The following DCAF6 variants were observed in gnomAD, a reference collection of about 807,000 sequenced individuals.
DCAF6 encodes DDB1- and CUL4-associated factor 6.
Under a neutral mutation model 125.1 loss-of-function variants are expected in DCAF6, and 54 were observed. The observed-to-expected ratio is 0.43, with a 90% CI of 0.35 to 0.54. DCAF6 has a LOEUF of 0.54. DCAF6 is among the 20% of genes least tolerant of loss of function. The pLI is 0.01. For missense variants in DCAF6, 934 were observed against 1,161.7 expected (o/e 0.80, Z 2.85); for synonymous variants, 371 against 390.4 (o/e 0.95, Z 0.58).
chr1:167,966,304 C>T (rs1018737044), intron 2 of DCAF6, among the ~76,000 whole-genome samples: 1 of 152,150 alleles, frequency 6.6e-6, no homozygotes, highest in African/African-American at 2.4e-5. Context: ...ACACACGGCC[C>T]GTGGGCTGCA....
At chr1:168,067,335 A>T (rs1331200078) in intron 20 of DCAF6, among the ~76,000 whole-genome samples, 1 of 152,192 alleles carries the variant, frequency 6.6e-6, no homozygotes, top group Non-Finnish European at 1.5e-5. Flanking sequence ...GACAATGTAA[A>T]CAGCTAGAAC....
chr1:167,916,260 G>C, the DCAF6 span, among the ~76,000 whole-genome samples: 1 of 152,210 alleles, frequency 6.6e-6, no homozygotes, highest in Non-Finnish European at 1.5e-5. Flanking sequence ...AGGCTGGAGT[G>C]CAAAGGCGCG....
chr1:167,875,091 A>T, the DCAF6 span: 1 of 1,530,572 alleles, frequency 6.5e-7, no homozygotes, highest in Non-Finnish European at 9.1e-7. Flanking sequence ...GTTTTGTTTT[A>T]GTTCAATAAA....
At chr1:168,049,220 A>T (rs1478401539) in intron 16 of DCAF6, among the ~76,000 whole-genome samples, 1 of 152,074 alleles carries the variant, frequency 6.6e-6, no homozygotes, top group Non-Finnish European at 1.5e-5. Context: ...TCTTTTAGTG[A>T]TTTTATATAC....
chr1:167,912,699 A>T, the DCAF6 span, among the ~76,000 whole-genome samples: 56 of 150,508 alleles, frequency 3.7e-4, no homozygotes, highest in Non-Finnish European at 6.8e-4. Context: ...TGCCTATTAA[A>T]CTCTCCGATC....
At chr1:168,005,013 T>C (rs1683153549) in intron 10 of DCAF6, among the ~76,000 whole-genome samples, 1 of 152,178 alleles carries the variant, frequency 6.6e-6, no homozygotes, top group African/African-American at 2.4e-5. Flanking sequence ...TATAAAACAA[T>C]TGTTTTAAAA....
At chr1:167,889,182 C>T in the DCAF6 span, among the ~76,000 whole-genome samples, 1 of 152,064 alleles carries the variant, frequency 6.6e-6, no homozygotes, top group East Asian at 1.9e-4. Context: ...TTAGTTTCTC[C>T]CTATTCATTA....
At chr1:168,011,825 T>G (rs767421631) in intron 10 of DCAF6, among the ~76,000 whole-genome samples, 1 of 151,880 alleles carries the variant, frequency 6.6e-6, no homozygotes, top group African/African-American at 2.4e-5. Flanking sequence ...CAAAATAAAT[T>G]TGTTGTGCGT....
the DCAF6 span, chr1:167,903,746 A>C: frequency 1.5e-6 from 1 of 675,608 alleles, no homozygotes; most frequent in South Asian, 1.6e-5. Context: ...ATCATATTTC[A>C]AAAAAGACTG....
the DCAF6 span, among the ~76,000 whole-genome samples, chr1:167,906,291 C>A: frequency 4.5e-3 from 672 of 150,472 alleles, 6 homozygotes; most frequent in East Asian, 0.046. Flanking sequence ...TATTGGATAA[C>A]CTTTAAAAGG....
intron 12 of DCAF6, among the ~76,000 whole-genome samples, chr1:168,033,301 G>GA (rs1302637077): frequency 6.8e-6 from 1 of 147,784 alleles, no homozygotes; most frequent in African/African-American, 2.5e-5. Context: ...TTCTGAAAAG[G>GA]ATCTTTTTTT....
chr1:167,931,837 T>C (rs1670921047), upstream of DCAF6, among the ~76,000 whole-genome samples: 1 of 152,188 alleles, frequency 6.6e-6, no homozygotes, highest in South Asian at 2.1e-4. Flanking sequence ...ACTGATAACA[T>C]TGGTTCATTT....
intron 12 of DCAF6, among the ~76,000 whole-genome samples, chr1:168,037,574 T>A (rs1687999540): frequency 6.6e-6 from 1 of 152,192 alleles, no homozygotes; most frequent in Non-Finnish European, 1.5e-5. Context: ...GTACTCTTTT[T>A]TTTTGGCAGG....
At chr1:167,963,179 G>T (rs534920886) in intron 2 of DCAF6, among the ~76,000 whole-genome samples, 1 of 151,860 alleles carries the variant, frequency 6.6e-6, no homozygotes. Flanking sequence ...CGGGAGAATC[G>T]CTTGAACTCA....
rs137942309 is a variant in DCAF6 at position 168,021,234 on chromosome 1, A to T, written c.1550-1754A>T. 2.8e-3 allele frequency among the ~76,000 whole-genome samples: 425 copies of T among 152,242 alleles called. 2 individuals carry two copies. Among genetic ancestry groups the T allele is most frequent in the African/African-American group, 9.8e-3 (406 of 41,582 alleles). ...TTTTAGAAAAAATAAATGTTTGAAG[A>T]TAAGATTTCTTGGAGAGTTTATAGT... On this transcript the variant is annotated intron_variant, in intron 11 of 21. Transcript: ENST00000367840.
chr1:168,019,626 C>A, intron 11 of DCAF6: 1 of 400,328 alleles, frequency 2.5e-6, no homozygotes, highest in Non-Finnish European at 5.2e-6. Flanking sequence ...CTAACCACCA[C>A]AGAGCCCCAC....
chr1:167,963,438 T>G (rs1571692243), intron 2 of DCAF6, among the ~76,000 whole-genome samples: 1 of 930 alleles, frequency 1.1e-3, no homozygotes, highest in East Asian at 4.9e-3. Flanking sequence ...TTTGTTTCTG[T>G]TTTTTTTTTT....
At chr1:167,898,547 C>T in the DCAF6 span, among the ~76,000 whole-genome samples, 8 of 151,094 alleles carry the variant, frequency 5.3e-5, no homozygotes, top group East Asian at 7.8e-4. Context: ...TGCAGTGAGC[C>T]GAGATCACGC....
intron 1 of DCAF6, among the ~76,000 whole-genome samples, chr1:167,944,004 A>G (rs1672675613): frequency 9.3e-4 from 1 of 1,076 alleles, no homozygotes; most frequent in Admixed American, 0.015. Flanking sequence ...ACACCTGACT[A>G]ACTTTTTTTT....
Sources: gnomAD v4.1 joint callset for allele counts (sites outside exome capture counted in the v4.1 genomes callset) on GRCh38, gnomAD v4.1.1 for gene constraint, MANE v1.5 for transcripts, NCBI Gene and HGNC (gene_info 2026-07-23, HGNC 2026-07-21) for gene names.